MYEF2: variants seen among roughly 807,000 people sequenced by gnomAD.
MYEF2 encodes the protein myelin expression factor 2, also known as myelin gene expression factor 2.
MYEF2 carries 37 observed loss-of-function variants against 75.2 expected under a neutral mutation model. That is an observed-to-expected ratio of 0.49 (90% confidence interval 0.38 to 0.65). MYEF2 has a LOEUF of 0.65. Among genes scored for constraint, MYEF2 ranks in the 30% least tolerant of loss-of-function variants. The pLI is 0.00. For missense variants in MYEF2, 634 were observed against 771.4 expected (o/e 0.82, Z 2.11); for synonymous variants, 195 against 241.6 (o/e 0.81, Z 1.79).
chr15:48,171,834 G>A (rs191958016), intron 1 of MYEF2, among the ~76,000 whole-genome samples: 89 of 152,112 alleles, frequency 5.9e-4, no homozygotes, highest in Non-Finnish European at 1.1e-3. Context: ...TTCCCAAACT[G>A]TTCATTTAGA....
intron 9 of MYEF2, among the ~76,000 whole-genome samples, chr15:48,156,145 G>A (rs1385371593): frequency 6.6e-6 from 1 of 151,990 alleles, no homozygotes; most frequent in Non-Finnish European, 1.5e-5. Context: ...CAAAACCCAT[G>A]TACTAACTTT....
At position 48,141,593 on chromosome 15, in the gene MYEF2, CAA is replaced by C. The variant is rs202102577; in HGVS notation, c.*1313_*1314del. On this transcript the variant is annotated 3_prime_UTR_variant, in exon 17 of 17. Coordinates refer to ENST00000324324, the MANE Select transcript of MYEF2 (RefSeq NM_016132.5). ...AGACTGTGTCTCAAAAAACAAAAAC[CAA>C]AAAAAAAAAAAAAAGTTTACTTCCT... The C allele has an allele frequency of 8.3e-4, 87 of 104,498 alleles. No individual in the cohort carries two copies. The highest frequency in any genetic ancestry group is 1.4e-3 in the Admixed American group (14 of 10,082). 6.5% of individuals were successfully genotyped at this position (104,498 alleles called of 1,614,324 possible). A position where few individuals can be genotyped will look rare whatever the true frequency, so the allele number is the denominator to read the frequency against.
At chr15:48,158,247 T>A (rs1183840985) in intron 7 of MYEF2, 23 bp from the exon 8 acceptor site, 1 of 1,609,202 alleles carries the variant, frequency 6.2e-7, no homozygotes, top group South Asian at 1.1e-5. Context: ...TCAAGGAAAG[T>A]CAGTTAAGAT....
chr15:48,137,638 T>C lies in MYEF2; in HGVS notation c.*5270A>G, dbSNP rs1453504057. 1 of 151,946 alleles carries C rather than the reference T, an allele frequency of 6.6e-6. No homozygotes were observed. The highest frequency in any genetic ancestry group is 2.4e-5 in the African/African-American group (1 of 41,360). 9.4% of individuals were successfully genotyped at this position (151,946 alleles called of 1,614,324 possible). Reference sequence around the variant, plus strand: ...ACCAAGTGAAAGTGGTGGGAATAAATGAGAACAGATGTGAGACTATATGAA... The same window carrying C: ...ACCAAGTGAAAGTGGTGGGAATAAACGAGAACAGATGTGAGACTATATGAA... On this transcript the variant is annotated 3_prime_UTR_variant, in exon 17 of 17. Transcript: ENST00000324324.
rs993138341 is a variant in MYEF2, at chr15:48,137,579, A to G, written c.*5329T>C. ...GACAAAGAGGTCTGTAAGAGAGGCT[A>G]TTACAACAGCTGATGTGTTTACTAG... On this transcript the variant is annotated 3_prime_UTR_variant, in exon 17 of 17. Transcript: ENST00000324324. 6 of 152,214 alleles carry G rather than the reference A, an allele frequency of 3.9e-5. No individual in the cohort carries two copies. Among genetic ancestry groups the G allele is most frequent in the Non-Finnish European group, 5.9e-5 (4 of 68,052 alleles). The allele number at this position is 152,214 out of a possible 1,614,324, so 9.4% of individuals were successfully genotyped here. A position where few individuals can be genotyped will look rare whatever the true frequency, so the allele number is the denominator to read the frequency against.
intron 9 of MYEF2, among the ~76,000 whole-genome samples, chr15:48,155,393 T>C (rs2039656168): frequency 6.6e-6 from 1 of 152,010 alleles, no homozygotes; most frequent in Non-Finnish European, 1.5e-5. Flanking sequence ...AATATTTAAG[T>C]AAAAACAAGA....
intron 12 of MYEF2, 82 bp downstream of exon 12, chr15:48,151,792 C>A: frequency 6.7e-7 from 1 of 1,496,798 alleles, no homozygotes; most frequent in Non-Finnish European, 9.3e-7. Flanking sequence ...TTTTAGCACA[C>A]ATTCCTAAGT....
intron 5 of MYEF2, among the ~76,000 whole-genome samples, chr15:48,163,722 T>C (rs530777669): frequency 4.6e-5 from 7 of 152,154 alleles, no homozygotes; most frequent in Non-Finnish European, 8.8e-5. Flanking sequence ...GTAACCTTAA[T>C]TGACTTGAAG....
At chr15:48,165,844 A>T in intron 5 of MYEF2, 89 bp downstream of exon 5, 1 of 931,426 alleles carries the variant, frequency 1.1e-6, no homozygotes, top group Non-Finnish European at 1.6e-6. Context: ...AAAAAGTTGT[A>T]GTCAGGCAAA....
chr15:48,157,906 G>A lies in MYEF2; in HGVS notation c.985+87C>T, dbSNP rs1724653032. 4 of 1,567,976 alleles carry A rather than the reference G, an allele frequency of 2.6e-6. No individual in the cohort carries two copies. The Admixed American group carries it at 5.7e-5, about 22-fold the overall frequency. On this transcript the variant is annotated intron_variant, in intron 9 of 16. Transcript: ENST00000324324. ...ATCCCAAATTGTGAGAAACTAGGAT[G>A]TAGGCACAAAAACAAAGTGTTGCTT...
At chr15:48,158,303 A>C in intron 7 of MYEF2, 79 bp from the exon 8 acceptor site, 1 of 1,326,388 alleles carries the variant, frequency 7.5e-7, no homozygotes. Context: ...TAATAATCTT[A>C]GAGTCCAACT....
At chr15:48,145,857 C>A (rs906524117) in intron 16 of MYEF2, among the ~76,000 whole-genome samples, 1 of 151,820 alleles carries the variant, frequency 6.6e-6, no homozygotes, top group East Asian at 1.9e-4. Flanking sequence ...AATGAATGCT[C>A]ATCATATATC....
At chr15:48,175,721 C>T (rs1278938573) in intron 1 of MYEF2, among the ~76,000 whole-genome samples, 3 of 152,102 alleles carry the variant, frequency 2.0e-5, no homozygotes, top group Non-Finnish European at 4.4e-5. Context: ...AACTCTCAAT[C>T]TCTACCTACT....
chr15:48,158,630 G>A (rs2039802685), intron 7 of MYEF2, 139 bp downstream of exon 7: 3 of 973,416 alleles, frequency 3.1e-6, no homozygotes, highest in East Asian at 4.9e-5. Context: ...ACCTACTAAG[G>A]GTTTTATTTG....
chr15:48,158,344 T>C, intron 7 of MYEF2, 120 bp from the exon 8 acceptor site: 1 of 845,486 alleles, frequency 1.2e-6, no homozygotes, highest in Non-Finnish European at 1.8e-6. Flanking sequence ...TCTTTAATAC[T>C]TATTGATATT....
rs958761534 is a variant in MYEF2, at chr15:48,152,368, A to G, written c.1088-84T>C. 17 of 1,143,978 alleles carry G rather than the reference A, an allele frequency of 1.5e-5. No individual in the cohort carries two copies. In the Middle Eastern group the frequency reaches 1.6e-3, roughly 107 times the overall value. 70.9% of individuals were successfully genotyped at this position (1,143,978 alleles called of 1,614,324 possible). A position where few individuals can be genotyped will look rare whatever the true frequency, so the allele number is the denominator to read the frequency against. ...GATATAATGCATTATAGCAAAATAG[A>G]TACCACTGGTATAACCACAATGAAA... On this transcript the variant is annotated intron_variant, in intron 10 of 16. Coordinates refer to ENST00000324324, the MANE Select transcript of MYEF2 (RefSeq NM_016132.5).
intron 9 of MYEF2, chr15:48,157,579 A>C (rs1015264382): frequency 5.0e-6 from 1 of 200,306 alleles, no homozygotes; most frequent in Non-Finnish European, 9.1e-6. Flanking sequence ...ACATGAAAAA[A>C]TGCTTATACT....
At position 48,140,849 on chromosome 15, in the gene MYEF2, A is replaced by T. The variant is rs1376866291; in HGVS notation, c.*2059T>A. ...TAAACATCTTTTGTAAGAATATCAAACAGGAAAATTTCTCACTGGCAGAAT... is the reference window on the plus strand; with the variant it reads ...TAAACATCTTTTGTAAGAATATCAATCAGGAAAATTTCTCACTGGCAGAAT... On this transcript the variant is annotated 3_prime_UTR_variant, in exon 17 of 17. Coordinates refer to ENST00000324324, the MANE Select transcript of MYEF2 (RefSeq NM_016132.5). 1.8e-5 allele frequency: 6 copies of T among 341,140 alleles called. No individual in the cohort carries two copies. Among genetic ancestry groups the T allele is most frequent in the Non-Finnish European group, 3.3e-5 (6 of 181,412 alleles). 21.1% of individuals were successfully genotyped at this position (341,140 alleles called of 1,614,324 possible). A position where few individuals can be genotyped will look rare whatever the true frequency, so the allele number is the denominator to read the frequency against.
intron 7 of MYEF2, 50 bp from the exon 8 acceptor site, chr15:48,158,274 C>T (rs781629629): frequency 1.3e-6 from 2 of 1,540,778 alleles, no homozygotes; most frequent in South Asian, 2.3e-5. Flanking sequence ...AAAATTATAA[C>T]AGAACACAAA....
Sources: gnomAD v4.1 joint callset for allele counts (sites outside exome capture counted in the v4.1 genomes callset) on GRCh38, gnomAD v4.1.1 for gene constraint, MANE v1.5 for transcripts, NCBI Gene and HGNC (gene_info 2026-07-23, HGNC 2026-07-21) for gene names.